IMMT: variants seen among roughly 807,000 people sequenced by gnomAD.
The protein encoded by IMMT is inner membrane mitochondrial protein, also known as MICOS complex subunit MIC60.
In IMMT, 40 loss-of-function variants were observed where a neutral mutation model predicts 92.7. The observed-to-expected ratio is 0.43, with a 90% confidence interval of 0.34 to 0.56. The LOEUF (loss-of-function observed/expected upper bound fraction) is 0.56. Among genes scored for constraint, IMMT ranks in the 20% least tolerant of loss-of-function variants. IMMT has a pLI of 0.03. For missense variants in IMMT, 831 were observed against 912.1 expected, an observed-to-expected ratio of 0.91 and a Z score of 1.14; for synonymous variants, 322 against 336.1, an observed-to-expected ratio of 0.96 and a Z score of 0.46.
chr2:86,178,438 A>G (rs1369368819), intron 3 of IMMT, among the ~76,000 whole-genome samples: 1 of 151,948 alleles, frequency 6.6e-6, no homozygotes, highest in Non-Finnish European at 1.5e-5. Context: ...CAGCCTGGAC[A>G]ACATGGTAAA....
chr2:86,166,059 C>G (rs1420511096), intron 7 of IMMT, among the ~76,000 whole-genome samples: 2 of 152,204 alleles, frequency 1.3e-5, no homozygotes, highest in African/African-American at 4.8e-5. Context: ...AGGCCAAGCA[C>G]AGTGGCTCAC....
intron 4 of IMMT, chr2:86,173,388 C>T: frequency 2.8e-6 from 1 of 352,808 alleles, no homozygotes; most frequent in South Asian, 2.4e-5. Context: ...TGAGACCAGC[C>T]TGACCAACAT....
chr2:86,144,783 G>A lies in IMMT; in HGVS notation c.1762C>T (p.Pro588Ser). The A allele has an allele frequency of 6.2e-7, 1 of 1,613,396 alleles. No homozygotes were observed. ...ACTGCACTACCCAGCGGGATAGTAGGTGTTTCTGCAGATGAGGTCTTCATG... is the reference window on the plus strand; with the variant it reads ...ACTGCACTACCCAGCGGGATAGTAGATGTTTCTGCAGATGAGGTCTTCATG... Reference protein sequence around the residue: ...YSMKTSSAETPTIPLGSAVEA... With the variant: ...YSMKTSSAETSTIPLGSAVEA... The change falls in exon 15 of 15, where the codon CCT (proline) becomes TCT (serine). Residue 588 changes from proline to serine, a missense_variant. Pro to Ser is a moderately conservative substitution (Grantham distance 74). Transcript: ENST00000410111.
chr2:86,170,854 A>C lies in IMMT; in HGVS notation c.560-10T>G, dbSNP rs1200400263. 6.4e-7 allele frequency: 1 copy of C among 1,553,348 alleles called. No individual in the cohort carries two copies. The highest frequency in any genetic ancestry group is 8.7e-7 in the Non-Finnish European group (1 of 1,143,594). On this transcript the variant is annotated splice_polypyrimidine_tract_variant and intron_variant, in intron 5 of 14. Coordinates refer to ENST00000410111, the MANE Select transcript of IMMT (RefSeq NM_006839.3). ...GATGAGGATGCTTCTTCTTGCAGCA[A>C]AAGTAAATAAGAGGAAATCAAATTT...
chr2:86,168,909 G>A (rs569316217), intron 6 of IMMT, among the ~76,000 whole-genome samples: 1 of 152,188 alleles, frequency 6.6e-6, no homozygotes, highest in African/African-American at 2.4e-5. Flanking sequence ...CATGACATGC[G>A]TGAGTGAACA....
At chr2:86,189,318 T>G (rs530948472) in intron 1 of IMMT, among the ~76,000 whole-genome samples, 60 of 151,640 alleles carry the variant, frequency 4.0e-4, no homozygotes, top group Admixed American at 1.8e-3. Context: ...CACTGCAACC[T>G]CCATCTCCTG....
At chr2:86,189,744 T>G (rs1489524423) in intron 1 of IMMT, among the ~76,000 whole-genome samples, 4 of 152,220 alleles carry the variant, frequency 2.6e-5, no homozygotes, top group Admixed American at 2.6e-4. Context: ...AATGGGCAGT[T>G]CTACATTTGA....
chr2:86,151,230 T>C, intron 12 of IMMT, 67 bp downstream of exon 12: 1 of 1,354,106 alleles, frequency 7.4e-7, no homozygotes, highest in Non-Finnish European at 1.0e-6. Flanking sequence ...GCCAGTATTA[T>C]TTCTACAAGT....
chr2:86,188,584 C>G (rs1216268517), intron 1 of IMMT, among the ~76,000 whole-genome samples: 2 of 152,090 alleles, frequency 1.3e-5, no homozygotes, highest in African/African-American at 2.4e-5. Flanking sequence ...TGCCACCACA[C>G]CCAGCTAATG....
intron 1 of IMMT, among the ~76,000 whole-genome samples, chr2:86,187,551 T>G (rs770715187): frequency 1.3e-5 from 2 of 152,210 alleles, no homozygotes; most frequent in Non-Finnish European, 2.9e-5. Context: ...AAGTTTTTGT[T>G]TGAACACCTG....
chr2:86,144,889 G>GA lies in IMMT; in HGVS notation c.1664-9dup, dbSNP rs1558806929. ...CTTCAGCAACTGCATGGCCTACAAA[G>GA]AAAAAAAGGCAAAGCCAAACATTTT... On this transcript the variant is annotated splice_polypyrimidine_tract_variant and intron_variant, in intron 14 of 14. Coordinates refer to ENST00000410111, the MANE Select transcript of IMMT (RefSeq NM_006839.3). 1 of 1,568,746 alleles carries GA rather than the reference G, an allele frequency of 6.4e-7. No homozygotes were observed.
At chr2:86,194,608 C>G (rs1271306375) in intron 1 of IMMT, among the ~76,000 whole-genome samples, 1 of 152,100 alleles carries the variant, frequency 6.6e-6, no homozygotes, top group Non-Finnish European at 1.5e-5. Context: ...TTTTAATTTT[C>G]AATTTTAGAA....
intron 1 of IMMT, among the ~76,000 whole-genome samples, chr2:86,188,193 C>T (rs1199874348): frequency 6.6e-5 from 10 of 151,918 alleles, no homozygotes; most frequent in African/African-American, 1.4e-4. Context: ...GTGTGTACCA[C>T]CATGCCCGGC....
Position 86,159,684 on chromosome 2 carries a change from A to C in IMMT, c.897-13T>G. ...CTCTAACTCTTCTCTGGAAACCAAC[A>C]AAACAAAGATTTAATATAACTTCTT... On this transcript the variant is annotated splice_polypyrimidine_tract_variant and intron_variant, in intron 8 of 14. Coordinates refer to ENST00000410111, the MANE Select transcript of IMMT (RefSeq NM_006839.3). 1 of 1,536,320 alleles carries C rather than the reference A, an allele frequency of 6.5e-7. No individual in the cohort carries two copies. The highest frequency in any genetic ancestry group is 1.7e-4 in the Middle Eastern group (1 of 5,716).
intron 1 of IMMT, among the ~76,000 whole-genome samples, chr2:86,190,804 A>G (rs1287459982): frequency 6.6e-6 from 1 of 152,196 alleles, no homozygotes; most frequent in Non-Finnish European, 1.5e-5. Context: ...CCCGGCTAAT[A>G]TGGTGAAACC....
intron 3 of IMMT, among the ~76,000 whole-genome samples, chr2:86,178,516 C>T (rs1195644104): frequency 1.3e-5 from 2 of 151,854 alleles, no homozygotes; most frequent in East Asian, 1.9e-4. Flanking sequence ...ATCCCAGCTA[C>T]TTGGAAGGCT....
chr2:86,179,039 T>G (rs1267918518), intron 3 of IMMT, among the ~76,000 whole-genome samples: 1 of 152,188 alleles, frequency 6.6e-6, no homozygotes. Flanking sequence ...CCAGCCTGGT[T>G]AACAAGGGTG....
intron 6 of IMMT, among the ~76,000 whole-genome samples, chr2:86,167,245 C>T (rs1199017789): frequency 5.0e-5 from 7 of 140,516 alleles, no homozygotes; most frequent in African/African-American, 1.8e-4. Context: ...GATCTCGGCT[C>T]ACTGCAAGCT....
rs776425248 is a variant in IMMT at position 86,146,238 on chromosome 2, C to T, written c.1534-41G>A. On this transcript the variant is annotated intron_variant, in intron 13 of 14. Transcript: ENST00000410111. ...AATAGTTCCAGAAAAAAGTGATACT[C>T]AATGCATGTCATGTAACTGTGTAAT... 5 of 1,565,090 alleles carry T rather than the reference C, an allele frequency of 3.2e-6. No individual in the cohort carries two copies. The African/African-American group carries it at 5.4e-5, about 17-fold the overall frequency.
Sources: gnomAD v4.1 joint callset for allele counts (sites outside exome capture counted in the v4.1 genomes callset) on GRCh38, gnomAD v4.1.1 for gene constraint, MANE v1.5 for transcripts, NCBI Gene and HGNC (gene_info 2026-07-23, HGNC 2026-07-21) for gene names.